The following AFTPH variants were observed in gnomAD, a reference collection of about 807,000 sequenced individuals.
The protein encoded by AFTPH is aftiphilin protein.
Under a neutral mutation model 72.5 loss-of-function variants are expected in AFTPH, and 7 were observed. That is an observed-to-expected ratio of 0.10 (90% CI 0.05 to 0.18). AFTPH has a LOEUF of 0.18. AFTPH is among the 10% of genes least tolerant of loss of function. AFTPH has a pLI of 1.00. For missense variants in AFTPH, 979 were observed against 1,060.5 expected (o/e 0.92, Z 1.07); for synonymous variants, 337 against 370.1 (o/e 0.91, Z 1.03).
Position 64,550,677 on chromosome 2 carries a change from G to GCACACACACACACA in AFTPH, c.-32-725_-32-712dup, listed in dbSNP as rs56139158. Among the ~76,000 whole-genome samples the GCACACACACACACA allele has an allele frequency of 9.3e-4, 121 of 130,228 alleles. 1 individual carries two copies. The highest frequency in any genetic ancestry group is 2.8e-3 in the East Asian group (12 of 4,314). 85.4% of individuals were successfully genotyped at this position (130,228 alleles called of 152,430 possible). A position where few individuals can be genotyped will look rare whatever the true frequency, so the allele number is the denominator to read the frequency against. ...ATAAAATTTTTAGAACTGTACGCAT[G>GCACACACACACACA]CACACACACACACACACACACACAC... On this transcript the variant is annotated intron_variant, in intron 1 of 8. Transcript: ENST00000238856.
At chr2:64,565,382 G>A (rs1025402099) in intron 2 of AFTPH, among the ~76,000 whole-genome samples, 2 of 149,906 alleles carry the variant, frequency 1.3e-5, no homozygotes, top group Non-Finnish European at 3.0e-5. Context: ...GGCTGAGGCA[G>A]GAGAATGACG....
intron 2 of AFTPH, among the ~76,000 whole-genome samples, chr2:64,561,301 A>G (rs924490330): frequency 6.6e-6 from 1 of 152,214 alleles, no homozygotes; most frequent in African/African-American, 2.4e-5. Context: ...TCAGCTAGCC[A>G]GTCATCAGTT....
At chr2:64,591,813 G>A in intron 8 of AFTPH, 75 bp from the exon 10 acceptor site, 1 of 1,511,418 alleles carries the variant, frequency 6.6e-7, no homozygotes, top group South Asian at 1.2e-5. Context: ...TGTCTACCTT[G>A]AGAGTGGATT....
intron 5 of AFTPH, 99 bp from the exon 6 acceptor site, chr2:64,572,847 C>T: frequency 6.8e-7 from 1 of 1,481,232 alleles, no homozygotes; most frequent in Non-Finnish European, 9.1e-7. Context: ...CAGTACTTTC[C>T]AAGTGACCTG....
At chr2:64,546,909 C>T (rs1034446711) in intron 1 of AFTPH, among the ~76,000 whole-genome samples, 3 of 151,498 alleles carry the variant, frequency 2.0e-5, no homozygotes, top group Admixed American at 1.3e-4. Context: ...ATTAGCCAGG[C>T]GTGGTGGCAG....
chr2:64,552,439 A>G (rs779922711), exon 2 of AFTPH: 8 of 1,614,180 alleles, frequency 5.0e-6, no homozygotes, highest in Non-Finnish European at 6.8e-6. Context: ...ACACTGCAAC[A>G]GGATGAATTT....
In AFTPH at chr2:64,584,673, T is replaced by C. The variant is rs1423976975; in HGVS notation, c.2456-749T>C. On this transcript the variant is annotated intron_variant, in intron 7 of 8. Coordinates refer to ENST00000238856, the Ensembl canonical transcript of AFTPH. Reference sequence around the variant, plus strand: ...GTGCAGTGGCGTGATCTCGGCTCACTGCAAGCTCCGCCTTCCGGGTTCATG... The same window carrying C: ...GTGCAGTGGCGTGATCTCGGCTCACCGCAAGCTCCGCCTTCCGGGTTCATG... 3.4e-5 allele frequency among the ~76,000 whole-genome samples: 5 copies of C among 146,530 alleles called. No individual in the cohort carries two copies. In the East Asian group the frequency reaches 1.0e-3, roughly 30 times the overall value.
intron 1 of AFTPH, among the ~76,000 whole-genome samples, chr2:64,547,817 C>G (rs2103906565): frequency 6.6e-6 from 1 of 152,156 alleles, no homozygotes; most frequent in Non-Finnish European, 1.5e-5. Flanking sequence ...GGGTCTCACT[C>G]TGTCACCCAG....
intron 1 of AFTPH, among the ~76,000 whole-genome samples, chr2:64,537,541 G>A (rs1558593580): frequency 1.3e-5 from 2 of 152,142 alleles, no homozygotes; most frequent in Non-Finnish European, 1.5e-5. Context: ...ATCTTTTAGA[G>A]AACTTTTACA....
At position 64,573,063 on chromosome 2, in the gene AFTPH, T is replaced by G. The variant is rs373481682; in HGVS notation, c.2389T>G (p.Phe797Val). The G allele has an allele frequency of 3.1e-6, 5 of 1,613,314 alleles. No homozygotes were observed. In the African/African-American group the frequency reaches 6.7e-5, roughly 22 times the overall value. The change falls in exon 6 of 9, where the codon TTC becomes GTC. Residue 797 changes from phenylalanine to valine, a missense_variant. Physicochemically the swap from Phe to Val is conservative, Grantham distance 50. Coordinates refer to ENST00000238856, the Ensembl canonical transcript of AFTPH. ...TATGAACACATGTACATCTGATCAGTTCCAGGTAAAAATATCTATATGTGT... is the reference window on the plus strand; with the variant it reads ...TATGAACACATGTACATCTGATCAGGTCCAGGTAAAAATATCTATATGTGT...
At chr2:64,591,711 G>A (rs1343872750) in intron 8 of AFTPH, among the ~76,000 whole-genome samples, 177 bp from the exon 10 acceptor site, 2 of 152,086 alleles carry the variant, frequency 1.3e-5, no homozygotes, top group Non-Finnish European at 2.9e-5. Context: ...ATGAGATTTG[G>A]CATTTGGCAC....
chr2:64,527,287 T>A (rs1379853615), intron 1 of AFTPH, among the ~76,000 whole-genome samples: 1 of 152,110 alleles, frequency 6.6e-6, no homozygotes, highest in African/African-American at 2.4e-5. Context: ...ACAATGAAAT[T>A]AAAAGTTTAA....
intron 2 of AFTPH, among the ~76,000 whole-genome samples, chr2:64,553,985 C>T (rs1208132255): frequency 6.6e-6 from 1 of 151,964 alleles, no homozygotes. Context: ...GCAAGTTTTT[C>T]TTTTTCCTCA....
At chr2:64,577,742 C>A (rs1672911853) in intron 6 of AFTPH, among the ~76,000 whole-genome samples, 1 of 152,116 alleles carries the variant, frequency 6.6e-6, no homozygotes, top group African/African-American at 2.4e-5. Flanking sequence ...AGGTTTTCAG[C>A]AGTTTTTTAA....
rs114981537 is a variant in AFTPH at position 64,572,932 on chromosome 2, T to C, written c.2272-14T>C. On this transcript the variant is annotated splice_polypyrimidine_tract_variant and intron_variant, in intron 5 of 8. Coordinates refer to ENST00000238856, the Ensembl canonical transcript of AFTPH. ...CACCCCCATCCCCATTAAAGGCTAA[T>C]ATTCCTTTTTCAGGGTATGTTAGAG... 23,417 of 1,613,962 alleles carry C rather than the reference T, an allele frequency of 0.015. 209 individuals are homozygous for C. The highest frequency in any genetic ancestry group is 0.016 in the Non-Finnish European group (19,244 of 1,179,868).
chr2:64,554,626 C>A (rs551871476), intron 2 of AFTPH, among the ~76,000 whole-genome samples: 1 of 152,146 alleles, frequency 6.6e-6, no homozygotes, highest in Non-Finnish European at 1.5e-5. Flanking sequence ...CATAGCTAAT[C>A]GCTTTTTAGT....
intron 5 of AFTPH, 78 bp from the exon 6 acceptor site, chr2:64,572,865 CCTT>C (rs1672529839): frequency 3.3e-6 from 5 of 1,537,912 alleles, no homozygotes; most frequent in Non-Finnish European, 8.8e-7. Flanking sequence ...CTGTTTTTTA[CCTT>C]CTTCTTTCTG....
At chr2:64,575,293 T>C (rs575652934) in intron 6 of AFTPH, among the ~76,000 whole-genome samples, 1 of 152,294 alleles carries the variant, frequency 6.6e-6, no homozygotes, top group African/African-American at 2.4e-5. Flanking sequence ...CACAGAATTG[T>C]ATGGTCCTTG....
intron 2 of AFTPH, among the ~76,000 whole-genome samples, chr2:64,567,141 T>C (rs1672134230): frequency 6.6e-6 from 1 of 152,204 alleles, no homozygotes; most frequent in African/African-American, 2.4e-5. Context: ...CTAGAGTAGA[T>C]GAGTGGTAGT....
Sources: gnomAD v4.1 joint callset for allele counts (sites outside exome capture counted in the v4.1 genomes callset) on GRCh38, gnomAD v4.1.1 for gene constraint, MANE v1.5 for transcripts, NCBI Gene and HGNC (gene_info 2026-07-23, HGNC 2026-07-21) for gene names.